Variants in ZNF438 observed in about 807,000 individuals in gnomAD.
ZNF438 encodes zinc finger protein 438.
ZNF438 carries 25 observed loss-of-function variants against 38.0 expected under a neutral mutation model. The ratio of observed to expected loss-of-function variants is 0.66; its 90% confidence interval spans 0.48 to 0.92. The LOEUF is 0.92. ZNF438 is among the 40% of genes least tolerant of loss of function. ZNF438 has a pLI of 0.00. For missense variants in ZNF438, 1,007 were observed against 999.6 expected (o/e 1.01, Z -0.10); for synonymous variants, 372 against 364.1 (o/e 1.02, Z -0.25).
intron 3 of ZNF438, among the ~76,000 whole-genome samples, chr10:30,886,472 C>T (rs1457671543): frequency 1.3e-5 from 2 of 152,140 alleles, no homozygotes; most frequent in Non-Finnish European, 2.9e-5. Context: ...TAAACCCATC[C>T]TAAGTCTTGA....
chr10:30,870,275 G>A (rs1017230498), intron 4 of ZNF438, among the ~76,000 whole-genome samples: 2 of 151,808 alleles, frequency 1.3e-5, no homozygotes, highest in African/African-American at 4.9e-5. Flanking sequence ...GTGCTTTCAC[G>A]GTCATTCATG....
intron 1 of ZNF438, among the ~76,000 whole-genome samples, chr10:31,008,687 T>C (rs2055379646): frequency 6.6e-6 from 1 of 152,240 alleles, no homozygotes; most frequent in African/African-American, 2.4e-5. Flanking sequence ...AGCTGATAGA[T>C]ATCTAGGTTG....
At chr10:31,001,024 A>C (rs2054600041) in intron 1 of ZNF438, among the ~76,000 whole-genome samples, 2 of 152,128 alleles carry the variant, frequency 1.3e-5, no homozygotes, top group African/African-American at 4.8e-5. Flanking sequence ...CAGTCATCTC[A>C]TCTCACCAGC....
chr10:31,029,512 T>G (rs564797373), intron 1 of ZNF438, among the ~76,000 whole-genome samples: 216 of 152,266 alleles, frequency 1.4e-3, no homozygotes, highest in Middle Eastern at 3.4e-3. Flanking sequence ...TCCCGTCAGC[T>G]CTACCTTCAA....
At chr10:30,858,797 G>C (rs958961052) in intron 4 of ZNF438, among the ~76,000 whole-genome samples, 4 of 151,976 alleles carry the variant, frequency 2.6e-5, no homozygotes, top group Non-Finnish European at 1.5e-5. Context: ...CTCAATTATT[G>C]CTCTTAGCTA....
chr10:30,862,251 G>T (rs144252372), intron 4 of ZNF438, among the ~76,000 whole-genome samples: 2,516 of 152,246 alleles, frequency 0.017, 29 homozygotes, highest in South Asian at 0.039. Flanking sequence ...CACAGATATG[G>T]CATGGCAAGA....
At chr10:30,874,114 GTATATATA>G (rs58422289) in intron 4 of ZNF438, among the ~76,000 whole-genome samples, 2,296 of 80,132 alleles carry the variant, frequency 0.029, 92 homozygotes, top group Middle Eastern at 0.06. Flanking sequence ...GTGTGTGTGT[GTATATATA>G]TATATATATA....
At chr10:30,929,445 C>T (rs1247577508) in intron 2 of ZNF438, among the ~76,000 whole-genome samples, 1 of 152,140 alleles carries the variant, frequency 6.6e-6, no homozygotes, top group Non-Finnish European at 1.5e-5. Context: ...CTGGTGGGTT[C>T]GTGGTCTCGC....
intron 2 of ZNF438, among the ~76,000 whole-genome samples, chr10:30,915,458 T>G: frequency 6.6e-6 from 1 of 152,066 alleles, no homozygotes; most frequent in Non-Finnish European, 1.5e-5. Context: ...CACTATGAAT[T>G]TATTATTTGT....
chr10:31,017,848 A>C (rs2056316874), intron 1 of ZNF438, among the ~76,000 whole-genome samples: 1 of 152,224 alleles, frequency 6.6e-6, no homozygotes, highest in Non-Finnish European at 1.5e-5. Flanking sequence ...TACCACTTCC[A>C]AGACACTGGT....
At chr10:31,025,775 C>T (rs573891069) in intron 1 of ZNF438, among the ~76,000 whole-genome samples, 2 of 151,768 alleles carry the variant, frequency 1.3e-5, no homozygotes, top group South Asian at 4.2e-4. Context: ...TAAAATCAAA[C>T]CTAAAGATTT....
chr10:30,945,569 C>G (rs1169030670), intron 1 of ZNF438, among the ~76,000 whole-genome samples: 7 of 150,198 alleles, frequency 4.7e-5, no homozygotes, highest in African/African-American at 1.2e-4. Flanking sequence ...CACCACACAA[C>G]AGTCCCCAGA....
intron 4 of ZNF438, 87 bp downstream of exon 5, chr10:30,876,911 C>A: frequency 1.1e-6 from 1 of 938,016 alleles, no homozygotes; most frequent in South Asian, 2.4e-5. Context: ...AAATAAGTTA[C>A]CTTATGATTA....
At chr10:31,018,381 CTCATAT>C (rs1402910301) in intron 1 of ZNF438, among the ~76,000 whole-genome samples, 6 of 152,194 alleles carry the variant, frequency 3.9e-5, no homozygotes, top group African/African-American at 1.4e-4. Flanking sequence ...GACGAATCAA[CTCATAT>C]TAACAGTCTG....
chr10:30,914,009 T>G (rs560343946), intron 2 of ZNF438, among the ~76,000 whole-genome samples: 1 of 152,118 alleles, frequency 6.6e-6, no homozygotes. Context: ...CCTAAACACG[T>G]TTTAAACTGA....
At chr10:30,849,498 T>C (rs778361525) in exon 5 of ZNF438, 31 of 1,614,108 alleles carry the variant, frequency 1.9e-5, no homozygotes, top group South Asian at 6.6e-5. Flanking sequence ...TAAACCTCCA[T>C]TGTCTTCATT....
chr10:31,014,520 C>T (rs1259893027), intron 1 of ZNF438, among the ~76,000 whole-genome samples: 1 of 152,148 alleles, frequency 6.6e-6, no homozygotes, highest in Non-Finnish European at 1.5e-5. Flanking sequence ...TCAAAGGCCC[C>T]ATCTCTAATT....
intron 3 of ZNF438, among the ~76,000 whole-genome samples, chr10:30,905,448 A>T (rs1271223991): frequency 6.6e-6 from 1 of 152,140 alleles, no homozygotes; most frequent in Non-Finnish European, 1.5e-5. Flanking sequence ...ACCAGTTTTA[A>T]TTGGGTTATT....
At chr10:30,899,313 A>T (rs2041722091) in intron 3 of ZNF438, among the ~76,000 whole-genome samples, 4 of 152,232 alleles carry the variant, frequency 2.6e-5, no homozygotes, top group African/African-American at 4.8e-5. Flanking sequence ...ACCAAATAAG[A>T]AAGATCCACA....
Sources: gnomAD v4.1 joint callset for allele counts (sites outside exome capture counted in the v4.1 genomes callset) on GRCh38, gnomAD v4.1.1 for gene constraint, MANE v1.5 for transcripts, NCBI Gene and HGNC (gene_info 2026-07-23, HGNC 2026-07-21) for gene names.